The following KCNB2 variants were observed in gnomAD, a reference collection of about 807,000 sequenced individuals.
The protein encoded by KCNB2 is delayed rectifier potassium channel protein.
In KCNB2, 15 loss-of-function variants were observed where a neutral mutation model predicts 61.5. That is an observed-to-expected ratio of 0.24 (90% CI 0.16 to 0.38). The LOEUF (loss-of-function observed/expected upper bound fraction) is 0.38. Ranked by LOEUF, KCNB2 falls within the 10% of genes least tolerant of loss-of-function variation. The pLI is 1.00. For missense variants in KCNB2, 828 were observed against 1,125.2 expected (o/e 0.74, Z 3.78); for synonymous variants, 457 against 446.0 (o/e 1.02, Z -0.31).
At chr8:72,718,646 A>G (rs1022755544) in intron 2 of KCNB2, among the ~76,000 whole-genome samples, 1 of 132,480 alleles carries the variant, frequency 7.5e-6, no homozygotes, top group African/African-American at 2.8e-5. Flanking sequence ...GGGGAACATC[A>G]CACACCAGGG....
rs772993835 is a variant in KCNB2, at chr8:72,936,958, C to T, written c.1603C>T (p.Leu535=). ...CACGTCTTCCTCCAGCCCACAGCAT[C>T]TGAGTGCCCAGAAACTGGAGATGCT... ...NNTSSSSPQH[L]SAQKLEMLYN... The change falls in exon 3 of 3, where the codon CTG becomes TTG. Residue 535 remains leucine (L), a synonymous_variant. Transcript: ENST00000523207. The surrounding 1 kb of genome is among the most constrained non-coding windows in gnomAD (Gnocchi z 5.6). The T allele has an allele frequency of 6.2e-7, 1 of 1,614,182 alleles. No homozygotes were observed. The highest frequency in any genetic ancestry group is 8.5e-7 in the Non-Finnish European group (1 of 1,180,024).
At chr8:72,743,015 T>C (rs1036804039) in intron 2 of KCNB2, among the ~76,000 whole-genome samples, 4 of 152,322 alleles carry the variant, frequency 2.6e-5, no homozygotes, top group African/African-American at 7.2e-5. Context: ...CATGAGCACC[T>C]TTCAGGCAGA....
chr8:72,796,815 C>T (rs534113298), intron 2 of KCNB2, among the ~76,000 whole-genome samples: 1 of 152,102 alleles, frequency 6.6e-6, no homozygotes, highest in Non-Finnish European at 1.5e-5. Flanking sequence ...TGGTTTGTCA[C>T]CAAAATGATA....
chr8:72,749,793 TATATATA>T (rs1003704302), intron 2 of KCNB2, among the ~76,000 whole-genome samples: 18 of 140,548 alleles, frequency 1.3e-4, no homozygotes, highest in East Asian at 2.0e-4. Context: ...TTATATATAA[TATATATA>T]ATATATAATA....
chr8:72,545,216 C>G (rs925687180), intron 1 of KCNB2, among the ~76,000 whole-genome samples: 21 of 152,104 alleles, frequency 1.4e-4, no homozygotes, highest in Non-Finnish European at 2.9e-5. Context: ...CCCTCATTGT[C>G]TAGAAACTTT....
chr8:72,585,732 CAT>C (rs1278178458), intron 2 of KCNB2, among the ~76,000 whole-genome samples: 1 of 152,144 alleles, frequency 6.6e-6, no homozygotes, highest in African/African-American at 2.4e-5. Flanking sequence ...TAAGATTTTT[CAT>C]ATGAGTGATT....
intron 2 of KCNB2, among the ~76,000 whole-genome samples, chr8:72,589,466 A>G (rs1807052420): frequency 6.6e-6 from 1 of 152,224 alleles, no homozygotes; most frequent in African/African-American, 2.4e-5. Flanking sequence ...GCACCTCTCT[A>G]TAAGGAAGCA....
intron 2 of KCNB2, among the ~76,000 whole-genome samples, chr8:72,596,115 A>G (rs1279012934): frequency 6.6e-6 from 1 of 152,190 alleles, no homozygotes; most frequent in Admixed American, 6.5e-5. Flanking sequence ...CAGCAGCCCT[A>G]GGAAGAAGGC....
intron 2 of KCNB2, among the ~76,000 whole-genome samples, chr8:72,649,768 T>C (rs551219963): frequency 2.0e-5 from 3 of 152,208 alleles, no homozygotes; most frequent in South Asian, 4.1e-4. Flanking sequence ...CTAAACAACA[T>C]GATCTTTTTC....
chr8:72,664,214 A>C (rs1160284130), intron 2 of KCNB2, among the ~76,000 whole-genome samples: 1 of 152,018 alleles, frequency 6.6e-6, no homozygotes, highest in Admixed American at 6.6e-5. Flanking sequence ...TGGCTCTTTT[A>C]CTCTGCAGCG....
At chr8:72,561,728 T>TAG (rs1563523404) in intron 1 of KCNB2, among the ~76,000 whole-genome samples, 1 of 8,098 alleles carries the variant, frequency 1.2e-4, no homozygotes, top group South Asian at 3.1e-3. Context: ...TATATATATA[T>TAG]CTATATCTAT....
chr8:72,815,158 A>G (rs1223220695), intron 2 of KCNB2, among the ~76,000 whole-genome samples: 1 of 152,212 alleles, frequency 6.6e-6, no homozygotes, highest in Non-Finnish European at 1.5e-5. Context: ...GTACCCATTA[A>G]TGCAAATACT....
intron 2 of KCNB2, among the ~76,000 whole-genome samples, chr8:72,605,504 C>A (rs1325005374): frequency 6.6e-6 from 1 of 152,054 alleles, no homozygotes; most frequent in African/African-American, 2.4e-5. Flanking sequence ...TTCATGAGAA[C>A]CATGTGCTTA....
At chr8:72,684,532 G>A (rs1438004497) in intron 2 of KCNB2, among the ~76,000 whole-genome samples, 1 of 152,014 alleles carries the variant, frequency 6.6e-6, no homozygotes, top group Non-Finnish European at 1.5e-5. Flanking sequence ...AAGAAGGAAG[G>A]TTAGCTGCCC....
intron 2 of KCNB2, among the ~76,000 whole-genome samples, chr8:72,650,781 G>A (rs1159462185): frequency 6.6e-6 from 1 of 152,130 alleles, no homozygotes; most frequent in Non-Finnish European, 1.5e-5. Flanking sequence ...GCTTTCTAAA[G>A]AATTAACCTT....
intron 1 of KCNB2, among the ~76,000 whole-genome samples, chr8:72,567,437 A>G (rs1480046456): frequency 6.6e-6 from 1 of 152,176 alleles, no homozygotes; most frequent in Non-Finnish European, 1.5e-5. Flanking sequence ...TCTTCTGTGT[A>G]GTACACTGTG....
intron 2 of KCNB2, among the ~76,000 whole-genome samples, chr8:72,790,363 G>A (rs2128998646): frequency 6.6e-6 from 1 of 152,296 alleles, no homozygotes; most frequent in Middle Eastern, 3.4e-3. Context: ...CCAGGGCAGA[G>A]TGGCATTCTG....
intron 2 of KCNB2, among the ~76,000 whole-genome samples, chr8:72,637,699 C>A (rs951908840): frequency 6.6e-6 from 1 of 152,126 alleles, no homozygotes; most frequent in East Asian, 1.9e-4. Context: ...CATATCCCTT[C>A]CATGCAAATC....
intron 2 of KCNB2, among the ~76,000 whole-genome samples, chr8:72,868,142 G>C (rs1031057115): frequency 6.7e-6 from 1 of 150,036 alleles, no homozygotes; most frequent in Non-Finnish European, 1.5e-5. Context: ...TGCAATCATA[G>C]CTCACTGTAG....
Sources: gnomAD v4.1 joint callset for allele counts (sites outside exome capture counted in the v4.1 genomes callset) on GRCh38, gnomAD v4.1.1 for gene constraint, Gnocchi (gnomAD v3.1) non-coding constraint, MANE v1.5 for transcripts, NCBI Gene and HGNC (gene_info 2026-07-23, HGNC 2026-07-21) for gene names.